THOC2: variants seen among roughly 807,000 people sequenced by gnomAD.
The protein encoded by THOC2 is THO complex 2.
A neutral mutation model predicts 128.4 loss-of-function variants in THOC2; 10 were observed. That is an observed-to-expected ratio of 0.08 (90% CI 0.05 to 0.13). The LOEUF (loss-of-function observed/expected upper bound fraction) is 0.13. Among genes scored for constraint, THOC2 ranks in the 10% least tolerant of loss-of-function variants. The pLI is 1.00. For synonymous variants in THOC2, 393 were observed against 396.9 expected, an observed-to-expected ratio of 0.99 and a Z score of 0.12; for missense variants, 535 against 1,155.7, an observed-to-expected ratio of 0.46 and a Z score of 7.79.
chrX:123,617,396 T>C (rs1482905616), intron 33 of THOC2, among the ~76,000 whole-genome samples: 1 of 111,107 alleles, frequency 9.0e-6, no homozygotes, highest in Non-Finnish European at 1.9e-5. Flanking sequence ...AACACCATTT[T>C]TAAAAAGGAG....
chrX:123,681,797 T>C (rs1012617655), intron 8 of THOC2, among the ~76,000 whole-genome samples: 3 of 112,428 alleles, frequency 2.7e-5, no homozygotes, highest in African/African-American at 9.7e-5. Context: ...GTTTATTATA[T>C]GACAGTAATC....
intron 1 of THOC2, among the ~76,000 whole-genome samples, chrX:123,722,687 T>C (rs760580621): frequency 6.3e-5 from 7 of 110,672 alleles, no homozygotes; most frequent in Non-Finnish European, 1.3e-4. Flanking sequence ...TATGCCTATG[T>C]AACAAACCTG....
At chrX:123,605,842 A>G (rs140665718) in intron 38 of THOC2, among the ~76,000 whole-genome samples, 234 of 111,512 alleles carry the variant, frequency 2.1e-3, no homozygotes, top group Non-Finnish European at 3.6e-3. Context: ...AAAGGCTTAG[A>G]GCTGGAATTA....
Position 123,686,713 on chromosome X carries a change from T to G in THOC2, c.603A>C (p.Gly201=). The G allele has an allele frequency of 8.5e-7, 1 of 1,170,509 alleles. No individual in the cohort carries two copies. Among genetic ancestry groups the G allele is most frequent in the Non-Finnish European group, 1.1e-6 (1 of 872,936 alleles). Reference sequence around the variant, plus strand: ...CTCTATTGGGATCCAGATTAAAGCATCCTGCAACAGATGAGACATACAAAA... The same window carrying G: ...CTCTATTGGGATCCAGATTAAAGCAGCCTGCAACAGATGAGACATACAAAA... The part of the protein sequence containing the change: ...LILENIKSLI[G]CFNLDPNRVL... Residue 201 remains glycine, a splice_region_variant and synonymous_variant, in exon 8 of 39, where the codon GGA becomes GGC. Coordinates refer to ENST00000245838, the MANE Select transcript of THOC2 (RefSeq NM_001081550.2).
At chrX:123,655,228 T>C (rs949565309) in intron 12 of THOC2, among the ~76,000 whole-genome samples, 3 of 112,060 alleles carry the variant, frequency 2.7e-5, no homozygotes, top group African/African-American at 9.7e-5. Flanking sequence ...AACCTTCGCA[T>C]TTATTTCTTA....
chrX:123,608,283 C>T (rs1314106953), intron 38 of THOC2, among the ~76,000 whole-genome samples: 1 of 108,265 alleles, frequency 9.2e-6, no homozygotes, highest in Non-Finnish European at 1.9e-5. Context: ...TGCTTGTAGT[C>T]CCAACTACTA....
At chrX:123,637,963 C>G in intron 18 of THOC2, 80 bp downstream of exon 18, 2 of 708,386 alleles carry the variant, frequency 2.8e-6, no homozygotes, top group Non-Finnish European at 4.2e-6. Context: ...CTAAAAGTCT[C>G]TAAGCATCGG....
At chrX:123,661,691 T>C (rs1457542433) in intron 12 of THOC2, among the ~76,000 whole-genome samples, 1 of 111,729 alleles carries the variant, frequency 9.0e-6, no homozygotes, top group Non-Finnish European at 1.9e-5. Context: ...TTCCATTTCA[T>C]ATGAATATTA....
At chrX:123,726,486 C>A (rs1338386680) in intron 1 of THOC2, among the ~76,000 whole-genome samples, 1 of 106,073 alleles carries the variant, frequency 9.4e-6, no homozygotes, top group Non-Finnish European at 1.9e-5. Flanking sequence ...GCACTCCAGC[C>A]TGGGCAACAG....
intron 26 of THOC2, 62 bp downstream of exon 26, chrX:123,624,479 G>T: frequency 9.3e-7 from 1 of 1,072,565 alleles, no homozygotes; most frequent in Non-Finnish European, 1.3e-6. Flanking sequence ...CAACTATCTA[G>T]ATATTAATGG....
chrX:123,680,340 T>C (rs2049711621), intron 8 of THOC2, among the ~76,000 whole-genome samples: 1 of 111,448 alleles, frequency 9.0e-6, no homozygotes, highest in Non-Finnish European at 1.9e-5. Context: ...CTTAATTCTT[T>C]ACCTTGTTTA....
chrX:123,687,828 G>A (rs2050065690), intron 7 of THOC2, among the ~76,000 whole-genome samples: 1 of 111,496 alleles, frequency 9.0e-6, no homozygotes, highest in Non-Finnish European at 1.9e-5. Flanking sequence ...AGGAAAAGAA[G>A]GACTAAAGCA....
Position 123,667,141 on chromosome X carries a change from C to T in THOC2, c.1155G>A (p.Lys385=), listed in dbSNP as rs767777282. 2.5e-6 allele frequency: 3 copies of T among 1,199,363 alleles called. No homozygotes were observed. In the African/African-American group the frequency reaches 5.3e-5, roughly 21 times the overall value. The change falls in exon 11 of 39, where the codon AAG becomes AAA. Residue 385 remains lysine (K), a synonymous_variant. Transcript: ENST00000245838. The part of the protein sequence containing the change: ...SHKLIALAIC[K]LIHITIEPLY... ...GAGGCTCAATAGTTATATGAATGAGCTTGCAAATAGCAAGGGCTATTAGCT... is the reference window on the plus strand; with the variant it reads ...GAGGCTCAATAGTTATATGAATGAGTTTGCAAATAGCAAGGGCTATTAGCT...
intron 8 of THOC2, among the ~76,000 whole-genome samples, chrX:123,685,674 T>C (rs1037897636): frequency 8.9e-6 from 1 of 111,889 alleles, no homozygotes; most frequent in African/African-American, 3.2e-5. Context: ...ATTTAGAAGT[T>C]TGAATTTCAT....
chrX:123,702,117 A>C (rs1194963053), intron 4 of THOC2, among the ~76,000 whole-genome samples: 2 of 111,664 alleles, frequency 1.8e-5, no homozygotes, highest in Admixed American at 9.7e-5. Context: ...CAGGTTCACA[A>C]ACCTGCAGAG....
intron 8 of THOC2, among the ~76,000 whole-genome samples, chrX:123,678,835 C>T (rs1217521572): frequency 1.8e-5 from 2 of 110,873 alleles, no homozygotes; most frequent in Non-Finnish European, 3.8e-5. Context: ...AGCTGATGTC[C>T]TTGCTTTCTA....
At chrX:123,696,679 T>C in intron 6 of THOC2, 42 bp downstream of exon 6, 1 of 1,158,128 alleles carries the variant, frequency 8.6e-7, no homozygotes, top group South Asian at 2.0e-5. Flanking sequence ...CGAAAAAACA[T>C]ACTCAGATAC....
At chrX:123,638,658 C>T (rs2047768763) in intron 17 of THOC2, among the ~76,000 whole-genome samples, 1 of 107,051 alleles carries the variant, frequency 9.3e-6, no homozygotes, top group Admixed American at 1.0e-4. Flanking sequence ...AAGTCTGTCT[C>T]ACACACACAA....
chrX:123,621,264 G>C lies in THOC2; in HGVS notation c.4109C>G (p.Ala1370Gly), dbSNP rs748514295. Reference sequence around the variant, plus strand: ...ATTTTCCTTTGATTTCATTTCCTTTGCTATATCTCTTTCTCTGGATGGCTC... The same window carrying C: ...ATTTTCCTTTGATTTCATTTCCTTTCCTATATCTCTTTCTCTGGATGGCTC... The part of the protein sequence containing the change: ...EKEPSRERDI[A>G]KEMKSKENVK... The change falls in exon 31 of 39, where the codon GCA (alanine) becomes GGA (glycine). Residue 1370 changes from alanine (A) to glycine (G), a missense_variant. This residue lies in a region of THOC2 where 116 missense variants were observed against 180.0 expected (regional missense o/e 0.64). Transcript: ENST00000245838. The C allele has an allele frequency of 6.6e-6, 8 of 1,211,030 alleles. No individual in the cohort carries two copies. The South Asian group carries it at 1.4e-4, about 21-fold the overall frequency.
Sources: gnomAD v4.1 joint callset for allele counts (sites outside exome capture counted in the v4.1 genomes callset) on GRCh38, gnomAD v4.1.1 for gene constraint, gnomAD v4.1.1 regional missense constraint, MANE v1.5 for transcripts, NCBI Gene and HGNC (gene_info 2026-07-23, HGNC 2026-07-21) for gene names.